Variants in TRAPPC9 observed in about 807,000 individuals in gnomAD.
TRAPPC9 encodes the protein IKK2 binding protein.
Under a neutral mutation model 124.0 loss-of-function variants are expected in TRAPPC9, and 83 were observed. The observed-to-expected ratio is 0.67, with a 90% CI of 0.56 to 0.80. The LOEUF is 0.80. Ranked by LOEUF, TRAPPC9 falls within the 30% of genes least tolerant of loss-of-function variation. TRAPPC9 has a pLI of 0.00. For missense variants in TRAPPC9, 1,302 were observed against 1,508.3 expected, an observed-to-expected ratio of 0.86 and a Z score of 2.27; for synonymous variants, 638 against 617.5, an observed-to-expected ratio of 1.03 and a Z score of -0.49.
chr8:140,162,195 T>C (rs1587836065), intron 17 of TRAPPC9, among the ~76,000 whole-genome samples: 1 of 152,126 alleles, frequency 6.6e-6, no homozygotes, highest in Non-Finnish European at 1.5e-5. Flanking sequence ...CTTTCAAGAA[T>C]GAGTGATTCA....
At chr8:140,054,488 C>T (rs1463501904) in intron 17 of TRAPPC9, among the ~76,000 whole-genome samples, 1 of 151,670 alleles carries the variant, frequency 6.6e-6, no homozygotes, top group Non-Finnish European at 1.5e-5. Context: ...CACAACCTAT[C>T]TCTACACCTT....
intron 19 of TRAPPC9, among the ~76,000 whole-genome samples, chr8:139,977,381 G>A (rs1367946789): frequency 1.3e-5 from 2 of 152,032 alleles, no homozygotes; most frequent in Admixed American, 1.3e-4. Context: ...CAGCACTTTG[G>A]GAGGCCGAGG....
intron 17 of TRAPPC9, among the ~76,000 whole-genome samples, chr8:140,066,958 T>A (rs1441939006): frequency 6.6e-6 from 1 of 152,174 alleles, no homozygotes; most frequent in African/African-American, 2.4e-5. Context: ...CCTCTCCAGG[T>A]TCCAGCTGTA....
intron 17 of TRAPPC9, among the ~76,000 whole-genome samples, chr8:140,206,850 C>A (rs1278500278): frequency 6.6e-6 from 1 of 152,048 alleles, no homozygotes; most frequent in Admixed American, 6.6e-5. Context: ...ACTCCCTGCG[C>A]CTTTTTGCCT....
At chr8:139,819,074 C>T (rs1825068517) in intron 21 of TRAPPC9, among the ~76,000 whole-genome samples, 1 of 152,152 alleles carries the variant, frequency 6.6e-6, no homozygotes, top group Non-Finnish European at 1.5e-5. Context: ...TTGCAGCCAC[C>T]CCACATCGTT....
chr8:139,810,826 A>G (rs1824391249), intron 21 of TRAPPC9, among the ~76,000 whole-genome samples: 1 of 151,354 alleles, frequency 6.6e-6, no homozygotes, highest in Non-Finnish European at 1.5e-5. Context: ...AGACCAGGCC[A>G]GAGGACAGAC....
chr8:140,411,717 A>T (rs528294338), intron 5 of TRAPPC9, among the ~76,000 whole-genome samples: 4 of 152,352 alleles, frequency 2.6e-5, no homozygotes, highest in Admixed American at 2.6e-4. Flanking sequence ...AAAGGTTTTA[A>T]GAATCAGCTT....
chr8:140,238,702 T>C (rs114047500), intron 16 of TRAPPC9, among the ~76,000 whole-genome samples: 59 of 152,334 alleles, frequency 3.9e-4, no homozygotes, highest in African/African-American at 1.3e-3. Context: ...AAGATGTGAA[T>C]TGATTTCAGC....
chr8:139,744,469 GGAA>G (rs1162600989), intron 21 of TRAPPC9, among the ~76,000 whole-genome samples: 6 of 152,272 alleles, frequency 3.9e-5, no homozygotes, highest in African/African-American at 7.2e-5. Context: ...TGACAGAGAC[GGAA>G]GAAGGACTTG....
At chr8:139,862,988 C>T (rs1373046596) in intron 21 of TRAPPC9, among the ~76,000 whole-genome samples, 1 of 152,240 alleles carries the variant, frequency 6.6e-6, no homozygotes, top group Non-Finnish European at 1.5e-5. Flanking sequence ...ACAGCCCCTC[C>T]TCTGCCAGGA....
chr8:139,958,624 C>T (rs1835152425), intron 19 of TRAPPC9, among the ~76,000 whole-genome samples: 1 of 152,254 alleles, frequency 6.6e-6, no homozygotes, highest in African/African-American at 2.4e-5. Flanking sequence ...AGGGCTGCTT[C>T]CACCAAGAAA....
chr8:140,160,356 T>C (rs983585373), intron 17 of TRAPPC9, among the ~76,000 whole-genome samples: 3 of 152,202 alleles, frequency 2.0e-5, no homozygotes, highest in East Asian at 1.9e-4. Flanking sequence ...CGTATGTTTA[T>C]TGCGGCACTA....
At chr8:140,349,232 A>G (rs28542190) in intron 9 of TRAPPC9, among the ~76,000 whole-genome samples, 15 of 59,610 alleles carry the variant, frequency 2.5e-4, no homozygotes, top group Non-Finnish European at 4.5e-4. Context: ...AGGGGGCCGA[A>G]GGGGGCACAC....
At chr8:140,204,286 T>C (rs1426699109) in intron 17 of TRAPPC9, among the ~76,000 whole-genome samples, 2 of 151,980 alleles carry the variant, frequency 1.3e-5, no homozygotes, top group Non-Finnish European at 2.9e-5. Context: ...TGGAATACTA[T>C]GCAGCCATAA....
rs141779315 is a variant in TRAPPC9, at chr8:140,197,636, C to G, written c.2556+23823G>C. Among the ~76,000 whole-genome samples, 145 of 152,224 alleles carry G rather than the reference C, an allele frequency of 9.5e-4. 1 individual carries two copies. The highest frequency in any genetic ancestry group is 1.7e-3 in the Non-Finnish European group (117 of 68,018). On this transcript the variant is annotated intron_variant, in intron 17 of 22. Transcript: ENST00000438773. ...TAATTTCCTCTTTCCTTACCAGATACGTATTGACATTTGGGCCACAATCCA... is the reference window on the plus strand; with the variant it reads ...TAATTTCCTCTTTCCTTACCAGATAGGTATTGACATTTGGGCCACAATCCA...
rs1375063495 is a variant in TRAPPC9 at position 140,042,200 on chromosome 8, A to AGTGTGT, written c.2557-18122_2557-18121insACACAC. ...TAAAGTCTGCAACTTAGCCCAAAAA[A>AGTGTGT]GTGTATGTGTGTGTGTGTGTGTGTG... On this transcript the variant is annotated intron_variant, in intron 17 of 22. Transcript: ENST00000438773. Among the ~76,000 whole-genome samples, 376 of 90,926 alleles carry AGTGTGT rather than the reference A, an allele frequency of 4.1e-3. 3 individuals carry two copies. The highest frequency in any genetic ancestry group is 0.017 in the African/African-American group (360 of 20,612). 59.7% of individuals were successfully genotyped at this position (90,926 alleles called of 152,430 possible). A position where few individuals can be genotyped will look rare whatever the true frequency, so the allele number is the denominator to read the frequency against.
At chr8:139,861,992 G>C (rs1828195550) in intron 21 of TRAPPC9, among the ~76,000 whole-genome samples, 1 of 152,246 alleles carries the variant, frequency 6.6e-6, no homozygotes. Flanking sequence ...ACACAGATCA[G>C]CGAAGCACTA....
At chr8:140,058,563 G>C (rs10099323) in intron 17 of TRAPPC9, among the ~76,000 whole-genome samples, 13,844 of 152,228 alleles carry the variant, frequency 0.091, 775 homozygotes, top group African/African-American at 0.15. Flanking sequence ...CAAAGTTCTC[G>C]CAATACAGGA....
At chr8:140,444,758 G>C (rs1453299351) in intron 2 of TRAPPC9, among the ~76,000 whole-genome samples, 1 of 151,790 alleles carries the variant, frequency 6.6e-6, no homozygotes, top group East Asian at 1.9e-4. Flanking sequence ...TAGCTACTTA[G>C]GAGGCAAGGC....
Sources: gnomAD v4.1 joint callset for allele counts (sites outside exome capture counted in the v4.1 genomes callset) on GRCh38, gnomAD v4.1.1 for gene constraint, MANE v1.5 for transcripts, NCBI Gene and HGNC (gene_info 2026-07-23, HGNC 2026-07-21) for gene names.